The following PXK variants were observed in gnomAD, a reference collection of about 807,000 sequenced individuals.
PXK encodes the protein PX domain-containing protein kinase-like protein.
PXK carries 35 observed loss-of-function variants against 84.7 expected under a neutral mutation model. The observed-to-expected ratio is 0.41, with a 90% CI of 0.32 to 0.55. PXK has a LOEUF of 0.55. Among genes scored for constraint, PXK ranks in the 20% least tolerant of loss-of-function variants. The pLI is 0.21. For synonymous variants in PXK, 253 were observed against 260.8 expected (o/e 0.97, Z 0.29); for missense variants, 634 against 699.7 (o/e 0.91, Z 1.06).
chr3:58,380,793 T>C (rs987221985), intron 3 of PXK, among the ~76,000 whole-genome samples: 2 of 145,490 alleles, frequency 1.4e-5, no homozygotes, highest in Admixed American at 6.7e-5. Context: ...TGTCTCAAAG[T>C]AAGTAAGTAA....
rs1033668913 is a variant in PXK, at chr3:58,407,419, G to A, written c.1231-1505G>A. The stretch of plus-strand genomic sequence containing the variant: ...GTTACTTATATTTTGTTGTTGAGTT[G>A]TTGGAGTTCCTTTATATATTCTGGA... On this transcript the variant is annotated intron_variant, in intron 13 of 17. Coordinates refer to ENST00000356151, the MANE Select transcript of PXK (RefSeq NM_017771.5). The surrounding 1 kb of genome is among the most constrained non-coding windows in gnomAD (Gnocchi z 4.3). Among the ~76,000 whole-genome samples, 1 of 152,014 alleles carries A rather than the reference G, an allele frequency of 6.6e-6. No homozygotes were observed. Among genetic ancestry groups the A allele is most frequent in the Non-Finnish European group, 1.5e-5 (1 of 67,986 alleles).
chr3:58,354,740 G>A (rs940915612), intron 1 of PXK, among the ~76,000 whole-genome samples: 6 of 151,416 alleles, frequency 4.0e-5, no homozygotes, highest in Non-Finnish European at 7.4e-5. Flanking sequence ...GAGCCACCGC[G>A]CCTGGCCCGA....
chr3:58,335,621 T>A (rs2097578924), intron 1 of PXK, among the ~76,000 whole-genome samples: 1 of 139,676 alleles, frequency 7.2e-6, no homozygotes. Flanking sequence ...AGCTCTACTC[T>A]CGCTTTGAAA....
At chr3:58,368,125 T>C (rs988207541) in intron 2 of PXK, among the ~76,000 whole-genome samples, 101 of 150,886 alleles carry the variant, frequency 6.7e-4, no homozygotes, top group Non-Finnish European at 3.0e-4. Context: ...GTATGAGCCA[T>C]TGTGCCTGGG....
chr3:58,357,969 C>A (rs11711261), intron 1 of PXK, among the ~76,000 whole-genome samples: 33,303 of 150,366 alleles, frequency 0.22, 4,759 homozygotes, highest in African/African-American at 0.39. Flanking sequence ...TGTCTCAAAA[C>A]AAAAAAACAA....
chr3:58,339,228 G>GTT (rs1170206126), intron 1 of PXK, among the ~76,000 whole-genome samples: 10 of 112,314 alleles, frequency 8.9e-5, no homozygotes, highest in African/African-American at 3.2e-4. Flanking sequence ...GTTTTTTTTT[G>GTT]TTTTTTTTTG....
Position 58,365,888 on chromosome 3 carries a change from A to G in PXK, c.117A>G (p.Arg39=). The change falls in exon 2 of 18, where the codon CGA becomes CGG. Residue 39 remains arginine, a synonymous_variant. Coordinates refer to ENST00000356151, the MANE Select transcript of PXK (RefSeq NM_017771.5). ...SLQSHTEYII[R]VQRGISVENS... is the part of the protein sequence containing the mutation. ...CTCTTTTTAAGGAATATATTATTCGAGTGCAAAGAGGAATTTCTGTGGAAA... is the reference window on the plus strand; with the variant it reads ...CTCTTTTTAAGGAATATATTATTCGGGTGCAAAGAGGAATTTCTGTGGAAA... 1 of 1,575,938 alleles carries G rather than the reference A, an allele frequency of 6.3e-7. No homozygotes were observed. The highest frequency in any genetic ancestry group is 1.2e-5 in the South Asian group (1 of 83,752).
At chr3:58,349,692 A>G (rs563586835) in intron 1 of PXK, among the ~76,000 whole-genome samples, 1 of 152,358 alleles carries the variant, frequency 6.6e-6, no homozygotes, top group South Asian at 2.1e-4. Context: ...ACCTGCAAAT[A>G]AACAGTCTGT....
At chr3:58,424,677 C>G in intron 17 of PXK, 75 bp from the exon 18 acceptor site, 1 of 1,544,058 alleles carries the variant, frequency 6.5e-7, no homozygotes, top group Non-Finnish European at 8.8e-7. Flanking sequence ...GTCCGTTGTG[C>G]TCAGGACTGA....
At chr3:58,392,958 C>T (rs2098646264) in intron 7 of PXK, among the ~76,000 whole-genome samples, 2 of 151,988 alleles carry the variant, frequency 1.3e-5, no homozygotes, top group African/African-American at 4.8e-5. Flanking sequence ...CCGCACCCGG[C>T]CCTAAATTTC....
chr3:58,341,633 A>C (rs998527026), intron 1 of PXK, among the ~76,000 whole-genome samples: 7 of 152,150 alleles, frequency 4.6e-5, no homozygotes, highest in Non-Finnish European at 1.0e-4. Flanking sequence ...CATACAATCC[A>C]ATGGCTTTTG....
At chr3:58,378,835 C>T (rs12330157) in intron 3 of PXK, among the ~76,000 whole-genome samples, 11,056 of 151,378 alleles carry the variant, frequency 0.073, 512 homozygotes, top group South Asian at 0.1. Context: ...CGCGCCCAGC[C>T]GGACTTCATT....
chr3:58,411,863 C>T lies in PXK; in HGVS notation c.1466-1038C>T, dbSNP rs1233353746. Among the ~76,000 whole-genome samples the T allele has an allele frequency of 1.3e-5, 2 of 152,052 alleles. No homozygotes were observed. Among genetic ancestry groups the T allele is most frequent in the Non-Finnish European group, 2.9e-5 (2 of 68,012 alleles). On this transcript the variant is annotated intron_variant, in intron 16 of 17. Coordinates refer to ENST00000356151, the MANE Select transcript of PXK (RefSeq NM_017771.5). This position sits in a 1 kb window ranked among gnomAD's most constrained non-coding sequence, Gnocchi z 4.2. ...TTTACCTCCTTTTTCAGTAAAACAC[C>T]CTCATATTTTATAGGGAACTGAGGG...
intron 1 of PXK, among the ~76,000 whole-genome samples, chr3:58,353,393 A>G (rs951289866): frequency 1.3e-5 from 2 of 152,186 alleles, no homozygotes; most frequent in Non-Finnish European, 2.9e-5. Flanking sequence ...TTAATACGGT[A>G]ATGATTCTTC....
chr3:58,378,287 T>C (rs1478169067), intron 3 of PXK, among the ~76,000 whole-genome samples: 1 of 151,954 alleles, frequency 6.6e-6, no homozygotes, highest in Non-Finnish European at 1.5e-5. Flanking sequence ...TAAAGGTTTG[T>C]CCAGTAAAAC....
intron 1 of PXK, among the ~76,000 whole-genome samples, chr3:58,356,341 C>T (rs77765349): frequency 1.2e-3 from 176 of 152,254 alleles, no homozygotes; most frequent in African/African-American, 3.9e-3. Context: ...TCAGGTCTGC[C>T]CTGCAGGGCT....
chr3:58,389,178 T>C (rs573386146), intron 4 of PXK, among the ~76,000 whole-genome samples: 182 of 152,264 alleles, frequency 1.2e-3, no homozygotes, highest in African/African-American at 4.0e-3. Context: ...GATTTTTTTT[T>C]CCCAGTAAAC....
At chr3:58,363,936 T>A (rs1459197208) in intron 1 of PXK, among the ~76,000 whole-genome samples, 1 of 152,218 alleles carries the variant, frequency 6.6e-6, no homozygotes, top group Non-Finnish European at 1.5e-5. Flanking sequence ...TCTAAAATTT[T>A]TTATCATGAA....
chr3:58,389,533 T>C (rs111887524), intron 4 of PXK, among the ~76,000 whole-genome samples: 2,779 of 152,222 alleles, frequency 0.018, 85 homozygotes, highest in African/African-American at 0.063. Context: ...TTACATAGAA[T>C]TGCAGTGGGC....
Sources: gnomAD v4.1 joint callset for allele counts (sites outside exome capture counted in the v4.1 genomes callset) on GRCh38, gnomAD v4.1.1 for gene constraint, Gnocchi (gnomAD v3.1) non-coding constraint, MANE v1.5 for transcripts, NCBI Gene and HGNC (gene_info 2026-07-23, HGNC 2026-07-21) for gene names.